Variants in ANGPT1 observed in about 807,000 individuals in gnomAD.
ANGPT1 encodes the protein angiopoietin-1.
Under a neutral mutation model 62.2 loss-of-function variants are expected in ANGPT1, and 17 were observed. The observed-to-expected ratio is 0.27, with a 90% CI of 0.19 to 0.41. The LOEUF is 0.41. ANGPT1 is among the 10% of genes least tolerant of loss of function. ANGPT1 has a pLI of 1.00. For missense variants in ANGPT1, 478 were observed against 594.9 expected, an observed-to-expected ratio of 0.80 and a Z score of 2.04; for synonymous variants, 199 against 198.9, an observed-to-expected ratio of 1.00 and a Z score of 0.00.
At position 107,251,011 on chromosome 8, in the gene ANGPT1, C is replaced by T. The variant is rs1312548401; in HGVS notation, c.*844G>A. On this transcript the variant is annotated 3_prime_UTR_variant, in exon 9 of 9. Transcript: ENST00000517746. ...TTTAAGAACTTGATGATATATTTTA[C>T]ATTCTTTTAACTTTACTCAGGCTAT... The T allele has an allele frequency of 6.6e-6, 1 of 151,984 alleles. No individual in the cohort carries two copies. The highest frequency in any genetic ancestry group is 1.5e-5 in the Non-Finnish European group (1 of 67,958). The allele number at this position is 151,984 out of a possible 1,614,324, so 9.4% of individuals were successfully genotyped here.
intron 1 of ANGPT1, among the ~76,000 whole-genome samples, chr8:107,490,671 T>C (rs1812932744): frequency 6.6e-6 from 1 of 152,244 alleles, no homozygotes; most frequent in Non-Finnish European, 1.5e-5. Flanking sequence ...AGGGGTCAGC[T>C]AACTTTTTCT....
At chr8:107,271,470 T>C (rs781414411) in intron 7 of ANGPT1, among the ~76,000 whole-genome samples, 8 of 152,048 alleles carry the variant, frequency 5.3e-5, no homozygotes, top group Non-Finnish European at 1.2e-4. Flanking sequence ...TATAAACATA[T>C]GACCTTGATA....
chr8:107,368,149 CCTT>C (rs905845965), intron 1 of ANGPT1, among the ~76,000 whole-genome samples: 8 of 152,162 alleles, frequency 5.3e-5, no homozygotes, highest in African/African-American at 1.9e-4. Flanking sequence ...CAAAATTACT[CCTT>C]CATCCATGGG....
At chr8:107,336,739 G>A (rs1460452720) in intron 2 of ANGPT1, among the ~76,000 whole-genome samples, 1 of 149,580 alleles carries the variant, frequency 6.7e-6, no homozygotes, top group Non-Finnish European at 1.5e-5. Context: ...ATGCCTTTCA[G>A]ATATTATTTT....
At chr8:107,459,306 T>C (rs186299167) in intron 1 of ANGPT1, among the ~76,000 whole-genome samples, 1 of 152,206 alleles carries the variant, frequency 6.6e-6, no homozygotes, top group Admixed American at 6.5e-5. Context: ...TCCTAGTACT[T>C]TGGGAGACCC....
At position 107,497,371 on chromosome 8, in the gene ANGPT1, T is replaced by A; in HGVS notation, c.188A>T (p.Asn63Ile). ...AGCATCTCTCTGCAGAGCGTTTGTG[T>A]TGTACTGGTCTGTCGTACTCTCACG... is the stretch of plus-strand genomic sequence containing the variant. ...NCRESTTDQY[N>I]TNALQRDAPH... The change falls in exon 1 of 9, where the codon AAC becomes ATC. Residue 63 changes from asparagine to isoleucine, a missense_variant. Physicochemically the swap from Asn to Ile is moderately radical, Grantham distance 149. Coordinates refer to ENST00000517746, the MANE Select transcript of ANGPT1 (RefSeq NM_001146.5). The A allele has an allele frequency of 6.2e-7, 1 of 1,614,186 alleles. No homozygotes were observed. Among genetic ancestry groups the A allele is most frequent in the Non-Finnish European group, 8.5e-7 (1 of 1,180,028 alleles).
intron 7 of ANGPT1, among the ~76,000 whole-genome samples, chr8:107,272,611 T>G (rs1441946858): frequency 1.3e-5 from 2 of 151,832 alleles, no homozygotes; most frequent in African/African-American, 4.8e-5. Flanking sequence ...ACATGAAGCT[T>G]GCATATGCTC....
At chr8:107,430,461 T>C (rs899554231) in intron 1 of ANGPT1, among the ~76,000 whole-genome samples, 3 of 152,204 alleles carry the variant, frequency 2.0e-5, no homozygotes, top group African/African-American at 7.2e-5. Context: ...ATTCACTCTT[T>C]CTCACCTACA....
intron 1 of ANGPT1, among the ~76,000 whole-genome samples, chr8:107,495,755 A>G (rs1813076046): frequency 6.6e-6 from 1 of 152,208 alleles, no homozygotes; most frequent in Non-Finnish European, 1.5e-5. Flanking sequence ...AAATTTTACC[A>G]AAGAAAAATA....
At chr8:107,443,347 C>T (rs1811527992) in intron 1 of ANGPT1, among the ~76,000 whole-genome samples, 1 of 152,096 alleles carries the variant, frequency 6.6e-6, no homozygotes, top group South Asian at 2.1e-4. Context: ...CTGGTTCTGT[C>T]TCTCAGTTAT....
At chr8:107,292,958 A>G (rs548383825) in intron 6 of ANGPT1, among the ~76,000 whole-genome samples, 1 of 152,288 alleles carries the variant, frequency 6.6e-6, no homozygotes, top group Non-Finnish European at 1.5e-5. Context: ...CAAAAGAATG[A>G]GAATCCATAA....
At chr8:107,497,123 A>G in intron 1 of ANGPT1, 139 bp downstream of exon 1, 1 of 1,006,844 alleles carries the variant, frequency 9.9e-7, no homozygotes, top group Non-Finnish European at 1.4e-6. Flanking sequence ...AAACCCAGAC[A>G]GCCGTCTTGC....
At chr8:107,253,300 C>G in intron 8 of ANGPT1, among the ~76,000 whole-genome samples, 1 of 152,304 alleles carries the variant, frequency 6.6e-6, no homozygotes, top group Admixed American at 6.5e-5. Flanking sequence ...GAAGGAGGAA[C>G]TGCAAGTAAA....
At chr8:107,418,900 G>GA (rs1491320445) in intron 1 of ANGPT1, among the ~76,000 whole-genome samples, 2 of 152,084 alleles carry the variant, frequency 1.3e-5, no homozygotes, top group African/African-American at 4.8e-5. Flanking sequence ...CTCAAAATCA[G>GA]GGGAAAAAAT....
intron 2 of ANGPT1, among the ~76,000 whole-genome samples, chr8:107,336,705 A>C (rs984556250): frequency 1.6e-4 from 24 of 148,828 alleles, no homozygotes; most frequent in Non-Finnish European, 3.0e-5. Flanking sequence ...CATTCTACTT[A>C]TATTCTACCA....
intron 7 of ANGPT1, among the ~76,000 whole-genome samples, chr8:107,264,587 G>A (rs1813571250): frequency 1.3e-5 from 2 of 152,082 alleles, no homozygotes; most frequent in Non-Finnish European, 2.9e-5. Flanking sequence ...GCAGGATCCA[G>A]AAAACATAAA....
rs1813245902 is a variant in ANGPT1 at position 107,251,444 on chromosome 8, G to C, written c.*411C>G. 1 of 167,402 alleles carries C rather than the reference G, an allele frequency of 6.0e-6. No homozygotes were observed. Among genetic ancestry groups the C allele is most frequent in the African/African-American group, 2.4e-5 (1 of 41,728 alleles). The allele number at this position is 167,402 out of a possible 1,614,324, so 10.4% of individuals were successfully genotyped here. A position where few individuals can be genotyped will look rare whatever the true frequency, so the allele number is the denominator to read the frequency against. On this transcript the variant is annotated 3_prime_UTR_variant, in exon 9 of 9. Coordinates refer to ENST00000517746, the MANE Select transcript of ANGPT1 (RefSeq NM_001146.5). The stretch of plus-strand genomic sequence containing the variant: ...CTGGTATAATACATCTTTTCCAAAG[G>C]ATTATGGCAGGCTTGTTTCTATTCT...
chr8:107,301,424 TCTG>T (rs1179606339), intron 5 of ANGPT1, among the ~76,000 whole-genome samples: 11 of 151,916 alleles, frequency 7.2e-5, no homozygotes, highest in Admixed American at 3.3e-4. Flanking sequence ...ACATACTTCA[TCTG>T]CTGTGTGTAT....
intron 1 of ANGPT1, among the ~76,000 whole-genome samples, chr8:107,432,532 C>T (rs376538979): frequency 8.6e-5 from 13 of 151,994 alleles, no homozygotes; most frequent in East Asian, 7.8e-4. Flanking sequence ...CGCATGGTGG[C>T]GGGTGACTGT....
Sources: gnomAD v4.1 joint callset for allele counts (sites outside exome capture counted in the v4.1 genomes callset) on GRCh38, gnomAD v4.1.1 for gene constraint, MANE v1.5 for transcripts, NCBI Gene and HGNC (gene_info 2026-07-23, HGNC 2026-07-21) for gene names.